Variants in ATRNL1 observed in about 807,000 individuals in gnomAD.
ATRNL1 encodes attractin-like protein 1.
ATRNL1 carries 95 observed loss-of-function variants against 182.7 expected under a neutral mutation model. The ratio of observed to expected loss-of-function variants is 0.52; its 90% CI spans 0.44 to 0.62. The LOEUF is 0.62. ATRNL1 is among the 20% of genes least tolerant of loss of function. ATRNL1 has a pLI of 0.00. For missense variants in ATRNL1, 1,471 were observed against 1,679.5 expected (o/e 0.88, Z 2.17); for synonymous variants, 576 against 568.3 (o/e 1.01, Z -0.19).
intron 24 of ATRNL1, among the ~76,000 whole-genome samples, chr10:115,492,101 C>T (rs1158987786): frequency 2.6e-5 from 4 of 152,102 alleles, no homozygotes; most frequent in African/African-American, 9.7e-5. Context: ...GTGAGATGAA[C>T]GGTGTACTTC....
intron 9 of ATRNL1, among the ~76,000 whole-genome samples, chr10:115,231,366 CAAG>C (rs1849944643): frequency 6.6e-6 from 1 of 151,858 alleles, no homozygotes; most frequent in African/African-American, 2.4e-5. Flanking sequence ...CTGAACTTGA[CAAG>C]AGAAGTTTCA....
At chr10:115,361,966 A>C (rs1449989193) in intron 19 of ATRNL1, among the ~76,000 whole-genome samples, 3 of 152,086 alleles carry the variant, frequency 2.0e-5, no homozygotes, top group Admixed American at 1.3e-4. Flanking sequence ...TCGAAGAAAG[A>C]ATCATTTCTT....
chr10:115,148,744 G>GTTTTTTTT (rs71010009), intron 5 of ATRNL1, among the ~76,000 whole-genome samples: 18 of 116,754 alleles, frequency 1.5e-4, no homozygotes, highest in Non-Finnish European at 2.8e-4. Context: ...GGCCAGATGC[G>GTTTTTTTT]TTTTTTTTTT....
rs147879954 is a variant in ATRNL1, at chr10:115,400,684, A to C, written c.3269+5932A>C. ...ATTTTCTTACTGAATTGAACCCTTT[A>C]CCATTATGTAATGCTGTTCTTTGCC... is the stretch of plus-strand genomic sequence containing the variant. On this transcript the variant is annotated intron_variant, in intron 20 of 28. Coordinates refer to ENST00000355044, the MANE Select transcript of ATRNL1 (RefSeq NM_207303.4). 1.2e-3 allele frequency among the ~76,000 whole-genome samples: 184 copies of C among 152,180 alleles called. 1 individual carries two copies. The East Asian group carries it at 0.03, about 25-fold the overall frequency.
intron 26 of ATRNL1, among the ~76,000 whole-genome samples, chr10:115,581,477 G>A (rs1016398228): frequency 3.3e-5 from 5 of 152,160 alleles, no homozygotes; most frequent in African/African-American, 1.2e-4. Flanking sequence ...TGATCTAGAT[G>A]CATAGTTATT....
intron 27 of ATRNL1, among the ~76,000 whole-genome samples, chr10:115,768,474 G>T (rs191909336): frequency 6.6e-6 from 1 of 152,174 alleles, no homozygotes; most frequent in Admixed American, 6.5e-5. Context: ...AATTACCTTT[G>T]ATACCTTTGA....
intron 28 of ATRNL1, among the ~76,000 whole-genome samples, chr10:115,882,743 C>T (rs1240780567): frequency 2.0e-5 from 3 of 152,296 alleles, no homozygotes; most frequent in Admixed American, 1.3e-4. Context: ...CCGCAGAGCT[C>T]TTAGGTCTTT....
At chr10:115,864,790 G>A (rs1203410002) in intron 28 of ATRNL1, among the ~76,000 whole-genome samples, 9 of 152,170 alleles carry the variant, frequency 5.9e-5, no homozygotes, top group East Asian at 5.8e-4. Flanking sequence ...AGACCATCCC[G>A]GCTAACACGA....
intron 19 of ATRNL1, among the ~76,000 whole-genome samples, chr10:115,342,940 A>G (rs1241665121): frequency 6.6e-6 from 1 of 152,104 alleles, no homozygotes; most frequent in Non-Finnish European, 1.5e-5. Flanking sequence ...ATGTCATGCC[A>G]TTGTCTCCCG....
chr10:115,244,224 C>CAAAT (rs372825601), intron 10 of ATRNL1, among the ~76,000 whole-genome samples: 1,911 of 152,196 alleles, frequency 0.013, 35 homozygotes, highest in African/African-American at 0.04. Flanking sequence ...GATATTTAAA[C>CAAAT]AGGAATATTT....
At chr10:115,857,864 C>T (rs782277031) in intron 28 of ATRNL1, among the ~76,000 whole-genome samples, 3 of 152,186 alleles carry the variant, frequency 2.0e-5, no homozygotes, top group East Asian at 1.9e-4. Context: ...AGCACTGAAA[C>T]GTGACCAACA....
At chr10:115,222,690 A>T (rs1175937358) in intron 9 of ATRNL1, among the ~76,000 whole-genome samples, 4 of 152,196 alleles carry the variant, frequency 2.6e-5, no homozygotes. Flanking sequence ...AAAATTCTAC[A>T]TAATTAAATA....
intron 19 of ATRNL1, among the ~76,000 whole-genome samples, chr10:115,354,916 A>G (rs1209612315): frequency 6.6e-6 from 1 of 151,956 alleles, no homozygotes; most frequent in Non-Finnish European, 1.5e-5. Context: ...TATGTCTTGA[A>G]CTAAATATTT....
intron 26 of ATRNL1, among the ~76,000 whole-genome samples, chr10:115,613,294 G>C (rs1415407906): frequency 1.3e-5 from 2 of 152,120 alleles, no homozygotes; most frequent in Non-Finnish European, 1.5e-5. Flanking sequence ...TTATCGTGTT[G>C]TTTGTTCTTT....
intron 1 of ATRNL1, among the ~76,000 whole-genome samples, chr10:115,102,722 G>A (rs1554864918): frequency 2.0e-5 from 3 of 152,044 alleles, no homozygotes; most frequent in Non-Finnish European, 4.4e-5. Flanking sequence ...GCTAAGATTA[G>A]TATATTTTTA....
At chr10:115,147,848 GTT>G (rs1846039988) in intron 5 of ATRNL1, among the ~76,000 whole-genome samples, 1 of 152,046 alleles carries the variant, frequency 6.6e-6, no homozygotes, top group South Asian at 2.1e-4. Flanking sequence ...GTACCATGCT[GTT>G]TTGGTTACTA....
chr10:115,442,584 A>G (rs76704673), intron 21 of ATRNL1, among the ~76,000 whole-genome samples: 1,555 of 152,160 alleles, frequency 0.01, 14 homozygotes, highest in Non-Finnish European at 0.016. Context: ...ACAAGCAACC[A>G]TAGACAATAT....
At chr10:115,336,729 T>C (rs1193465685) in intron 19 of ATRNL1, among the ~76,000 whole-genome samples, 4 of 152,256 alleles carry the variant, frequency 2.6e-5, no homozygotes, top group African/African-American at 4.8e-5. Flanking sequence ...TATATTTCTG[T>C]TGGCATTTAT....
At chr10:115,676,584 G>GTATA (rs143315406) in intron 26 of ATRNL1, among the ~76,000 whole-genome samples, 1 of 150,126 alleles carries the variant, frequency 6.7e-6, no homozygotes, top group Non-Finnish European at 1.5e-5. Flanking sequence ...ATCTGTATAT[G>GTATA]TATATATATA....
Sources: gnomAD v4.1 joint callset for allele counts (sites outside exome capture counted in the v4.1 genomes callset) on GRCh38, gnomAD v4.1.1 for gene constraint, MANE v1.5 for transcripts, NCBI Gene and HGNC (gene_info 2026-07-23, HGNC 2026-07-21) for gene names.